SYTL2: variants seen among roughly 807,000 people sequenced by gnomAD.
SYTL2 encodes synaptotagmin like 2, also known as synaptotagmin-like protein 2.
A neutral mutation model predicts 198.7 loss-of-function variants in SYTL2; 165 were observed. The observed-to-expected ratio is 0.83, with a 90% CI of 0.73 to 0.94. SYTL2 has a LOEUF of 0.94. Among genes scored for constraint, SYTL2 ranks in the 40% least tolerant of loss-of-function variants. The pLI is 0.00. For synonymous variants in SYTL2, 966 were observed against 917.7 expected, an observed-to-expected ratio of 1.05 and a Z score of -0.95; for missense variants, 2,835 against 2,582.8, an observed-to-expected ratio of 1.10 and a Z score of -2.12.
intron 1 of SYTL2, among the ~76,000 whole-genome samples, chr11:85,775,028 A>C (rs1277326036): frequency 6.6e-6 from 1 of 152,086 alleles, no homozygotes; most frequent in Non-Finnish European, 1.5e-5. Flanking sequence ...TCAAATGACA[A>C]AATGAATGCC....
the SYTL2 span, chr11:85,852,947 G>C: frequency 6.7e-6 from 2 of 299,276 alleles, no homozygotes; most frequent in Non-Finnish European, 1.3e-5. Context: ...CTACCCGGCC[G>C]CCCCGTCTGA....
chr11:85,763,795 A>G (rs1293242732), intron 1 of SYTL2, among the ~76,000 whole-genome samples: 1 of 152,250 alleles, frequency 6.6e-6, no homozygotes, highest in Non-Finnish European at 1.5e-5. Context: ...ATCAACAAGA[A>G]GGCTCATCCC....
At chr11:85,824,543 TTGAG>T in the SYTL2 span, among the ~76,000 whole-genome samples, 2 of 152,236 alleles carry the variant, frequency 1.3e-5, no homozygotes, top group Non-Finnish European at 2.9e-5. Flanking sequence ...ATGGTTTGTA[TTGAG>T]TAACAGAAAA....
intron 12 of SYTL2, among the ~76,000 whole-genome samples, chr11:85,711,634 T>A (rs1005704293): frequency 6.6e-6 from 1 of 152,148 alleles, no homozygotes; most frequent in Non-Finnish European, 1.5e-5. Flanking sequence ...AACCAAAACA[T>A]CATGTTTAAT....
chr11:85,702,352 G>A (rs2084453406), intron 16 of SYTL2, among the ~76,000 whole-genome samples: 1 of 152,080 alleles, frequency 6.6e-6, no homozygotes, highest in Non-Finnish European at 1.5e-5. Context: ...ACCAAGCCTG[G>A]TTAATTTCTT....
At chr11:85,721,036 T>C in intron 8 of SYTL2, 77 bp from the exon 9 acceptor site, 4 of 837,094 alleles carry the variant, frequency 4.8e-6, no homozygotes, top group Non-Finnish European at 7.8e-6. Context: ...GACATAGAAA[T>C]GGTAGGCTGA....
chr11:85,833,090 AGAAAGAAAGAAG>A, the SYTL2 span, among the ~76,000 whole-genome samples: 537 of 39,492 alleles, frequency 0.014, 49 homozygotes, highest in Non-Finnish European at 0.024. Flanking sequence ...AAAGAAAGAA[AGAAAGAAAGAAG>A]GAAGGAAGGA....
chr11:85,727,886 G>T lies in SYTL2; in HGVS notation c.1472C>A (p.Pro491His). ...CTTAGCTTTTAGAGCCGGGAGAGGA[G>T]GGGGCTTACCTTGCTGACGGTCTCT... Reference protein sequence around the residue: ...SSRDRQQGKPPPLPALKAKTS... With the variant: ...SSRDRQQGKPHPLPALKAKTS... The change falls in exon 8 of 20, where the codon CCT becomes CAT. Residue 491 changes from proline (P) to histidine (H), a missense_variant. This residue lies in a region of SYTL2 where 2,645 missense variants were observed against 2,381.7 expected (regional missense o/e 1.11). Coordinates refer to ENST00000359152, the MANE Select transcript of SYTL2 (RefSeq NM_206927.4). 1 of 1,613,752 alleles carries T rather than the reference G, an allele frequency of 6.2e-7. No individual in the cohort carries two copies. The highest frequency in any genetic ancestry group is 8.5e-7 in the Non-Finnish European group (1 of 1,179,866).
chr11:85,837,310 T>G, the SYTL2 span, among the ~76,000 whole-genome samples: 4 of 152,260 alleles, frequency 2.6e-5, no homozygotes, highest in South Asian at 8.3e-4. Context: ...AGAACTGCTA[T>G]CTTCATAAGA....
At chr11:85,711,025 A>G (rs571545616) in intron 13 of SYTL2, 88 bp downstream of exon 13, 1 of 1,388,772 alleles carries the variant, frequency 7.2e-7, no homozygotes, top group African/African-American at 1.5e-5. Context: ...GAAATACAGG[A>G]GGAGGCTGTT....
intron 2 of SYTL2, among the ~76,000 whole-genome samples, chr11:85,752,947 A>C (rs972305296): frequency 3.1e-3 from 446 of 142,728 alleles, no homozygotes; most frequent in African/African-American, 0.011. Context: ...AAAAAAAAAA[A>C]AAAACACAAC....
At chr11:85,713,020 C>T (rs1223584168) in intron 12 of SYTL2, among the ~76,000 whole-genome samples, 2 of 152,258 alleles carry the variant, frequency 1.3e-5, no homozygotes, top group East Asian at 1.9e-4. Context: ...TGCCCGGCCT[C>T]ATATTATTAT....
Position 85,736,498 on chromosome 11 carries a change from T to C in SYTL2, c.586+3A>G, listed in dbSNP as rs1367166639. The stretch of plus-strand genomic sequence containing the variant: ...AAATCAAGTTCATAAAAATAATATT[T>C]ACCCTCTTTTGAAGTCTGAAATAAA... On this transcript the variant is annotated splice_donor_region_variant and intron_variant, in intron 6 of 19. Transcript: ENST00000359152. The C allele has an allele frequency of 2.1e-6, 3 of 1,458,074 alleles. No homozygotes were observed. Among genetic ancestry groups the C allele is most frequent in the East Asian group, 4.6e-5 (2 of 43,798 alleles). The allele number at this position is 1,458,074 out of a possible 1,614,324, so 90.3% of individuals were successfully genotyped here. A position where few individuals can be genotyped will look rare whatever the true frequency, so the allele number is the denominator to read the frequency against.
chr11:85,798,994 C>T (rs1708476417), intron 1 of SYTL2, among the ~76,000 whole-genome samples: 1 of 152,206 alleles, frequency 6.6e-6, no homozygotes, highest in Non-Finnish European at 1.5e-5. Flanking sequence ...AACTTGCAAG[C>T]AGGCCTTTCT....
chr11:85,762,194 C>A (rs1257669327), intron 1 of SYTL2, among the ~76,000 whole-genome samples: 2 of 152,176 alleles, frequency 1.3e-5, no homozygotes, highest in African/African-American at 4.8e-5. Context: ...AGAGACTCAC[C>A]GACCCAGACC....
At chr11:85,801,287 CT>C (rs992629433) in intron 1 of SYTL2, among the ~76,000 whole-genome samples, 9 of 151,712 alleles carry the variant, frequency 5.9e-5, no homozygotes, top group African/African-American at 1.7e-4. Flanking sequence ...GGGCCTTAAA[CT>C]TTTTTTTTCT....
In SYTL2 at chr11:85,718,680, A is replaced by G. The variant is rs1004706298; in HGVS notation, c.5482+110T>C. ...GTAACTTAGGCACTATTCACCACAT[A>G]GTGGCAAATGACGTTCTTCTGTTTA... On this transcript the variant is annotated intron_variant, in intron 10 of 19. Coordinates refer to ENST00000359152, the MANE Select transcript of SYTL2 (RefSeq NM_206927.4). The G allele has an allele frequency of 6.4e-5, 57 of 887,982 alleles. No individual in the cohort carries two copies. The African/African-American group carries it at 8.3e-4, about 13-fold the overall frequency. 55.0% of individuals were successfully genotyped at this position (887,982 alleles called of 1,614,324 possible). A position where few individuals can be genotyped will look rare whatever the true frequency, so the allele number is the denominator to read the frequency against.
chr11:85,821,507 C>T, the SYTL2 span, among the ~76,000 whole-genome samples: 8,594 of 152,046 alleles, frequency 0.057, 398 homozygotes, highest in East Asian at 0.12. Context: ...ACAAAGAAGG[C>T]GAGTGTTAGG....
the SYTL2 span, among the ~76,000 whole-genome samples, chr11:85,847,013 C>A: frequency 1.3e-5 from 2 of 152,176 alleles, no homozygotes; most frequent in Admixed American, 1.3e-4. Context: ...AGATTACAGG[C>A]ATGAGCCACC....
Sources: allele counts gnomAD v4.1 joint callset (sites outside exome capture counted in the v4.1 genomes callset), GRCh38; gene constraint gnomAD v4.1.1; regional missense constraint gnomAD v4.1.1; transcripts MANE v1.5; gene names NCBI Gene and HGNC (gene_info 2026-07-23, HGNC 2026-07-21).